Variants in KLF16 observed in about 807,000 individuals in gnomAD.
KLF16 encodes KLF transcription factor 16.
In KLF16, 6 loss-of-function variants were observed where a neutral mutation model predicts 6.1. That is an observed-to-expected ratio of 0.98 (90% CI 0.54 to 1.93). KLF16 has a LOEUF of 1.93. KLF16 is among the 30% of genes most tolerant of loss of function. The probability of loss-of-function intolerance (pLI) is 0.01; values close to 1 mark genes in which losing one functional copy is unlikely to be tolerated. For synonymous variants in KLF16, 211 were observed against 176.5 expected, an observed-to-expected ratio of 1.20 and a Z score of -1.55; for missense variants, 355 against 363.8, an observed-to-expected ratio of 0.98 and a Z score of 0.20.
At chr19:1,872,356 T>A in the KLF16 span, among the ~76,000 whole-genome samples, 1 of 152,226 alleles carries the variant, frequency 6.6e-6, no homozygotes, top group Non-Finnish European at 1.5e-5. Flanking sequence ...GGTCTCGACC[T>A]CCTGACCTCA....
intron 1 of KLF16, among the ~76,000 whole-genome samples, chr19:1,856,288 T>C (rs1184494033): frequency 6.6e-6 from 1 of 151,254 alleles, no homozygotes; most frequent in African/African-American, 2.4e-5. Context: ...CACGGGAGGG[T>C]GGAGGGGTCT....
chr19:1,857,477 G>A lies in KLF16; in HGVS notation c.458-2717C>T, dbSNP rs1254205051. On this transcript the variant is annotated intron_variant, in intron 1 of 1. Coordinates refer to ENST00000250916, the MANE Select transcript of KLF16 (RefSeq NM_031918.4). This position sits in a 1 kb window ranked among gnomAD's most constrained non-coding sequence, Gnocchi z 4.7. ...TGACCCTCTGACTCAGGCTGGGCCC[G>A]GGTGAGCTCAGGACAGCCTCGGAAA... is the stretch of plus-strand genomic sequence containing the variant. 6.6e-6 allele frequency among the ~76,000 whole-genome samples: 1 copy of A among 152,214 alleles called. No homozygotes were observed. Among genetic ancestry groups the A allele is most frequent in the Non-Finnish European group, 1.5e-5 (1 of 68,036 alleles).
Position 1,863,033 on chromosome 19 carries a change from G to C in KLF16, c.457+8C>G. ...CCCCGCAAGGGCCGGGATCGCGGCT[G>C]CACTCACCTGTGTGCGTCCGCAGGT... On this transcript the variant is annotated splice_region_variant and intron_variant, in intron 1 of 1. Transcript: ENST00000250916. 1 of 1,368,870 alleles carries C rather than the reference G, an allele frequency of 7.3e-7. No homozygotes were observed. Among genetic ancestry groups the C allele is most frequent in the Non-Finnish European group, 9.6e-7 (1 of 1,039,828 alleles). The allele number at this position is 1,368,870 out of a possible 1,614,324, so 84.8% of individuals were successfully genotyped here. A position where few individuals can be genotyped will look rare whatever the true frequency, so the allele number is the denominator to read the frequency against.
At chr19:1,855,370 C>T (rs1277967355) in intron 1 of KLF16, among the ~76,000 whole-genome samples, 3 of 151,896 alleles carry the variant, frequency 2.0e-5, no homozygotes, top group Non-Finnish European at 4.4e-5. Context: ...GTCTGGGCCC[C>T]GATCTCGGGG....
At chr19:1,859,730 A>G (rs1468440206) in intron 1 of KLF16, among the ~76,000 whole-genome samples, 1 of 152,060 alleles carries the variant, frequency 6.6e-6, no homozygotes, top group Non-Finnish European at 1.5e-5. Context: ...CCACGGACAC[A>G]GTTCCCTAAG....
chr19:1,870,121 G>A, the KLF16 span, among the ~76,000 whole-genome samples: 16 of 150,714 alleles, frequency 1.1e-4, no homozygotes, highest in Non-Finnish European at 1.8e-4. Context: ...TAGTAGAGAC[G>A]GGGTTTCTCC....
upstream of KLF16, among the ~76,000 whole-genome samples, chr19:1,865,474 G>A (rs2012173167): frequency 6.6e-6 from 1 of 152,230 alleles, no homozygotes; most frequent in Non-Finnish European, 1.5e-5. Context: ...TTCCACTGAT[G>A]TTTCCTGGGC....
rs921203102 is a variant in KLF16 at position 1,854,801 on chromosome 19, C to CG, written c.458-42dup. On this transcript the variant is annotated intron_variant, in intron 1 of 1. Coordinates refer to ENST00000250916, the MANE Select transcript of KLF16 (RefSeq NM_031918.4). ...GAGACAGACAGCGGGTCAGCGGGGG[C>CG]GGGGGGAGATGACAGACACGTTCCA... The CG allele has an allele frequency of 1.3e-5, 20 of 1,585,302 alleles. No individual in the cohort carries two copies. In the Admixed American group the frequency reaches 2.8e-4, roughly 22 times the overall value.
rs2011984754 is a variant in KLF16, at chr19:1,857,773, C to A, written c.458-3013G>T. Reference sequence around the variant, plus strand: ...CACAGGTGGGGAAGACCAGCCCCAGCCGCAAAGCAAGCATCCCAGGAGAGC... The same window carrying A: ...CACAGGTGGGGAAGACCAGCCCCAGACGCAAAGCAAGCATCCCAGGAGAGC... On this transcript the variant is annotated intron_variant, in intron 1 of 1. Coordinates refer to ENST00000250916, the MANE Select transcript of KLF16 (RefSeq NM_031918.4). The surrounding 1 kb of genome is among the most constrained non-coding windows in gnomAD (Gnocchi z 4.7). 2.0e-5 allele frequency among the ~76,000 whole-genome samples: 3 copies of A among 152,088 alleles called. No individual in the cohort carries two copies. Among genetic ancestry groups the A allele is most frequent in the Admixed American group, 2.0e-4 (3 of 15,276 alleles).
chr19:1,875,731 G>C, the KLF16 span: 1 of 152,470 alleles, frequency 6.6e-6, no homozygotes, highest in African/African-American at 2.4e-5. Flanking sequence ...CGGCAGCAGC[G>C]AGCAGGGGGC....
upstream of KLF16, among the ~76,000 whole-genome samples, chr19:1,867,091 A>G (rs1417161008): frequency 1.3e-5 from 2 of 152,182 alleles, no homozygotes; most frequent in Admixed American, 1.3e-4. Context: ...TGTTGCTGGG[A>G]GTGGGTCTCT....
upstream of KLF16, among the ~76,000 whole-genome samples, chr19:1,866,263 G>A (rs555823439): frequency 6.6e-6 from 1 of 150,486 alleles, no homozygotes; most frequent in Non-Finnish European, 1.5e-5. Flanking sequence ...AGTTGAGATC[G>A]AACATTGTAC....
At chr19:1,871,896 G>C in the KLF16 span, among the ~76,000 whole-genome samples, 4 of 152,094 alleles carry the variant, frequency 2.6e-5, no homozygotes, top group Admixed American at 6.5e-5. Context: ...TCCTGCACAG[G>C]GTGGGCAGCA....
chr19:1,867,488 T>C (rs1277730880), upstream of KLF16, among the ~76,000 whole-genome samples: 2 of 152,110 alleles, frequency 1.3e-5, no homozygotes, highest in South Asian at 2.1e-4. Flanking sequence ...GGCGGGAGGA[T>C]TGCTTGCGGC....
the KLF16 span, among the ~76,000 whole-genome samples, chr19:1,872,256 G>A: frequency 8.5e-5 from 13 of 152,098 alleles, no homozygotes; most frequent in African/African-American, 1.4e-4. Flanking sequence ...TCAGCCTCCC[G>A]AGTAGCTGGG....
At chr19:1,856,574 G>T (rs916070449) in intron 1 of KLF16, among the ~76,000 whole-genome samples, 10 of 152,172 alleles carry the variant, frequency 6.6e-5, no homozygotes, top group Non-Finnish European at 1.3e-4. Context: ...CCAGGATGCA[G>T]CTGGGGTCGC....
In KLF16 at chr19:1,859,780, C is replaced by T. The variant is rs544537533; in HGVS notation, c.457+3261G>A. On this transcript the variant is annotated intron_variant, in intron 1 of 1. Coordinates refer to ENST00000250916, the MANE Select transcript of KLF16 (RefSeq NM_031918.4). ...GACTGGGATGCTGGGTGCTGGCCTG[C>T]GGCAGGGGACTTCAGAGTGGGATAC... Among the ~76,000 whole-genome samples, 67 of 152,304 alleles carry T rather than the reference C, an allele frequency of 4.4e-4. 1 individual carries two copies. In the South Asian group the frequency reaches 0.014, roughly 31 times the overall value.
At chr19:1,859,679 A>C (rs898263864) in intron 1 of KLF16, among the ~76,000 whole-genome samples, 59 of 151,962 alleles carry the variant, frequency 3.9e-4, no homozygotes, top group Admixed American at 1.0e-3. Flanking sequence ...TTCCGTCATC[A>C]CTAGCATCCC....
chr19:1,868,460 G>A (rs1011291289), upstream of KLF16, among the ~76,000 whole-genome samples: 1 of 93,364 alleles, frequency 1.1e-5, no homozygotes, highest in African/African-American at 7.0e-5. Context: ...CCAGATTAGG[G>A]CTTTTTTTTT....
Sources: gnomAD v4.1 joint callset for allele counts (sites outside exome capture counted in the v4.1 genomes callset) on GRCh38, gnomAD v4.1.1 for gene constraint, Gnocchi (gnomAD v3.1) non-coding constraint, MANE v1.5 for transcripts, NCBI Gene and HGNC (gene_info 2026-07-23, HGNC 2026-07-21) for gene names.